The following CHST8 variants were observed in gnomAD, a reference collection of about 807,000 sequenced individuals.
CHST8 encodes GALNAC-4-ST1.
A neutral mutation model predicts 15.0 loss-of-function variants in CHST8; 10 were observed. The ratio of observed to expected loss-of-function variants is 0.67; its 90% CI spans 0.41 to 1.13. The LOEUF (loss-of-function observed/expected upper bound fraction) is 1.13, where lower values mean the gene tolerates loss of function less well. Ranked by LOEUF, CHST8 falls within the 50% of genes most tolerant of loss-of-function variation. The probability of loss-of-function intolerance (pLI) is 0.00; values close to 1 mark genes in which losing one functional copy is unlikely to be tolerated. For synonymous variants in CHST8, 259 were observed against 256.6 expected (o/e 1.01, Z -0.09); for missense variants, 634 against 608.2 (o/e 1.04, Z -0.45).
At chr19:33,738,933 A>G (rs375530477) in intron 3 of CHST8, among the ~76,000 whole-genome samples, 77 of 152,238 alleles carry the variant, frequency 5.1e-4, no homozygotes, top group African/African-American at 1.6e-3. Flanking sequence ...TTCTGTGGCT[A>G]GAGAGGGAGA....
intron 3 of CHST8, among the ~76,000 whole-genome samples, chr19:33,757,730 T>A (rs1440799865): frequency 1.3e-5 from 2 of 151,726 alleles, no homozygotes; most frequent in Non-Finnish European, 2.9e-5. Flanking sequence ...TGTCTTTTTT[T>A]AAGAGATGGG....
Position 33,772,269 on chromosome 19 carries a change from C to A in CHST8, c.481C>A (p.Gln161Lys). ...RSQQERKRVM[Q>K]EACAKYRASS... Reference sequence around the variant, plus strand: ...CCAGCAGGAGCGCAAGCGGGTGATGCAGGAGGCCTGCGCCAAGTACCGGGC... The same window carrying A: ...CCAGCAGGAGCGCAAGCGGGTGATGAAGGAGGCCTGCGCCAAGTACCGGGC... The change falls in exon 5 of 5, where the codon CAG becomes AAG. Residue 161 changes from glutamine (Q) to lysine (K), a missense_variant. Gln to Lys is a moderately conservative substitution (Grantham distance 53). Coordinates refer to ENST00000650847, the MANE Select transcript of CHST8 (RefSeq NM_001127895.2). The A allele has an allele frequency of 6.2e-7, 1 of 1,601,188 alleles. No homozygotes were observed. The highest frequency in any genetic ancestry group is 8.5e-7 in the Non-Finnish European group (1 of 1,178,812).
chr19:33,769,191 G>A (rs1244071826), intron 3 of CHST8, among the ~76,000 whole-genome samples: 1 of 152,192 alleles, frequency 6.6e-6, no homozygotes, highest in African/African-American at 2.4e-5. Flanking sequence ...GCCAGTGGGA[G>A]GTCATGGCCT....
intron 3 of CHST8, among the ~76,000 whole-genome samples, chr19:33,736,962 C>A (rs1974097997): frequency 1.3e-5 from 2 of 152,282 alleles, no homozygotes; most frequent in South Asian, 4.1e-4. Context: ...CCTCCGGTTA[C>A]CCTTACTGCT....
chr19:33,735,435 G>A lies in CHST8; in HGVS notation c.131-35978G>A, dbSNP rs568103376. ...TCCAGCCAGGCTGCCCCCTTCTCCC[G>A]ACTGCCCACTGCAAGGGCAGTCAGA... On this transcript the variant is annotated intron_variant, in intron 3 of 4. Transcript: ENST00000650847. Among the ~76,000 whole-genome samples, 7 of 152,298 alleles carry A rather than the reference G, an allele frequency of 4.6e-5. No homozygotes were observed. In the East Asian group the frequency reaches 7.7e-4, roughly 17 times the overall value.
chr19:33,634,247 T>C (rs1449054951), intron 1 of CHST8, among the ~76,000 whole-genome samples: 1 of 152,232 alleles, frequency 6.6e-6, no homozygotes, highest in African/African-American at 2.4e-5. Context: ...TGTGAGTTTT[T>C]CCCATTTTAG....
chr19:33,742,822 A>G (rs1030605421), intron 3 of CHST8, among the ~76,000 whole-genome samples: 3 of 152,072 alleles, frequency 2.0e-5, no homozygotes, highest in Admixed American at 6.6e-5. Context: ...TGCTACACCA[A>G]CATTGCTACT....
chr19:33,729,476 G>A (rs1973957295), intron 3 of CHST8, among the ~76,000 whole-genome samples: 1 of 152,228 alleles, frequency 6.6e-6, no homozygotes, highest in African/African-American at 2.4e-5. Flanking sequence ...CATTGTAGCT[G>A]TGGTCTATGT....
intron 2 of CHST8, among the ~76,000 whole-genome samples, chr19:33,679,284 C>T (rs2145242436): frequency 6.6e-6 from 1 of 152,352 alleles, no homozygotes; most frequent in Admixed American, 6.5e-5. Flanking sequence ...ATGTGAATAG[C>T]TCAGTGCTTT....
At chr19:33,754,304 C>T (rs780737210) in intron 3 of CHST8, among the ~76,000 whole-genome samples, 4 of 151,324 alleles carry the variant, frequency 2.6e-5, no homozygotes, top group African/African-American at 7.3e-5. Context: ...GCTTTATCCC[C>T]GCACCTGGCA....
At chr19:33,662,904 A>C (rs1972605022) in intron 1 of CHST8, among the ~76,000 whole-genome samples, 1 of 152,204 alleles carries the variant, frequency 6.6e-6, no homozygotes, top group African/African-American at 2.4e-5. Context: ...TTAAAAGTCA[A>C]GCTTCTGAGA....
intron 1 of CHST8, among the ~76,000 whole-genome samples, chr19:33,661,013 G>C (rs755472533): frequency 6.6e-5 from 10 of 152,180 alleles, no homozygotes; most frequent in Admixed American, 1.3e-4. Flanking sequence ...TTGGAGATTG[G>C]GTTCTGGAGG....
intron 1 of CHST8, among the ~76,000 whole-genome samples, chr19:33,645,901 T>C (rs1600233594): frequency 6.6e-6 from 1 of 151,874 alleles, no homozygotes; most frequent in South Asian, 2.1e-4. Flanking sequence ...CCATGGTGGG[T>C]GAATTGCTTG....
intron 2 of CHST8, among the ~76,000 whole-genome samples, chr19:33,676,117 G>A (rs990689552): frequency 6.6e-6 from 1 of 151,896 alleles, no homozygotes; most frequent in African/African-American, 2.4e-5. Context: ...GTGGACCTCA[G>A]GCCAAATCCA....
intron 3 of CHST8, among the ~76,000 whole-genome samples, chr19:33,759,600 C>G (rs1444707368): frequency 6.6e-6 from 1 of 152,184 alleles, no homozygotes; most frequent in Non-Finnish European, 1.5e-5. Context: ...ACGTCTGCCC[C>G]CCGCACCTCT....
At chr19:33,737,919 A>T (rs1483617314) in intron 3 of CHST8, among the ~76,000 whole-genome samples, 1 of 152,180 alleles carries the variant, frequency 6.6e-6, no homozygotes, top group African/African-American at 2.4e-5. Flanking sequence ...TGTCATCTTC[A>T]GCAACAAGTG....
intron 1 of CHST8, among the ~76,000 whole-genome samples, chr19:33,643,102 A>G (rs1972304809): frequency 6.6e-6 from 1 of 152,228 alleles, no homozygotes; most frequent in Non-Finnish European, 1.5e-5. Flanking sequence ...ATAAATTCCT[A>G]GAAGTGGAAT....
intron 1 of CHST8, among the ~76,000 whole-genome samples, chr19:33,631,721 C>T (rs910222156): frequency 3.3e-5 from 5 of 152,110 alleles, no homozygotes; most frequent in African/African-American, 1.2e-4. Context: ...TTCCCTCTTC[C>T]ACGAGTTAAT....
intron 1 of CHST8, among the ~76,000 whole-genome samples, chr19:33,663,006 G>A (rs776971508): frequency 2.0e-5 from 3 of 152,180 alleles, no homozygotes; most frequent in Non-Finnish European, 4.4e-5. Context: ...GCCAGGAAAG[G>A]CTCAGGGTCA....
Sources: allele counts gnomAD v4.1 joint callset (sites outside exome capture counted in the v4.1 genomes callset), GRCh38; gene constraint gnomAD v4.1.1; transcripts MANE v1.5; gene names NCBI Gene and HGNC (gene_info 2026-07-23, HGNC 2026-07-21).